Variants in DHX8 observed in about 807,000 individuals in gnomAD.
DHX8 encodes DEAH-box helicase 8.
Under a neutral mutation model 140.7 loss-of-function variants are expected in DHX8, and 67 were observed. The ratio of observed to expected loss-of-function variants is 0.48; its 90% confidence interval spans 0.39 to 0.58. The LOEUF (loss-of-function observed/expected upper bound fraction) is 0.58. Ranked by LOEUF, DHX8 falls within the 20% of genes least tolerant of loss-of-function variation. The pLI is 0.00. For missense variants in DHX8, 887 were observed against 1,550.7 expected, an observed-to-expected ratio of 0.57 and a Z score of 7.19; for synonymous variants, 533 against 553.2, an observed-to-expected ratio of 0.96 and a Z score of 0.51.
chr17:43,539,228 C>T (rs1436876031), intron 3 of DHX8, among the ~76,000 whole-genome samples: 1 of 152,184 alleles, frequency 6.6e-6, no homozygotes, highest in East Asian at 1.9e-4. Flanking sequence ...CTCTCCTTGC[C>T]TGTGAATCTG....
intron 2 of DHX8, among the ~76,000 whole-genome samples, chr17:43,534,735 T>C (rs1377891108): frequency 6.6e-6 from 1 of 151,776 alleles, no homozygotes; most frequent in East Asian, 1.9e-4. Flanking sequence ...AAGTCAGAAG[T>C]TCAAGACCAG....
chr17:43,496,869 C>T (rs1433302756), intron 9 of DHX8, among the ~76,000 whole-genome samples: 3 of 152,070 alleles, frequency 2.0e-5, no homozygotes, highest in East Asian at 1.9e-4. Context: ...TCTGAAAACC[C>T]TGGATCCACC....
In DHX8 at chr17:43,492,439, C is replaced by G. The variant is rs973230222; in HGVS notation, c.503+147C>G. 13 of 671,550 alleles carry G rather than the reference C, an allele frequency of 1.9e-5. No individual in the cohort carries two copies. In the South Asian group the frequency reaches 2.4e-4, roughly 12 times the overall value. 41.6% of individuals were successfully genotyped at this position (671,550 alleles called of 1,614,324 possible). On this transcript the variant is annotated intron_variant, in intron 5 of 22. Coordinates refer to ENST00000262415, the MANE Select transcript of DHX8 (RefSeq NM_004941.3). ...TTGGATCTGTTTTCATTGCTTCCTG[C>G]TAAGTGTATGTAGCAAATGCTAGGT...
intron 16 of DHX8, among the ~76,000 whole-genome samples, chr17:43,510,978 T>A (rs529254277): frequency 3.9e-5 from 6 of 152,358 alleles, no homozygotes; most frequent in African/African-American, 1.4e-4. Context: ...TTCTTTTTCT[T>A]GCTGAATACT....
chr17:43,529,161 A>G, downstream of DHX8: 1 of 1,613,884 alleles, frequency 6.2e-7, no homozygotes, highest in Non-Finnish European at 8.5e-7. Context: ...TTCTCATAAT[A>G]GTATCGGAGC....
chr17:43,500,941 A>T (rs1969157917), intron 11 of DHX8, among the ~76,000 whole-genome samples: 1 of 152,114 alleles, frequency 6.6e-6, no homozygotes, highest in Non-Finnish European at 1.5e-5. Flanking sequence ...AAGGTAATAC[A>T]GCTTTGAAGC....
downstream of DHX8, chr17:43,529,524 T>C (rs201929762): frequency 4.3e-6 from 7 of 1,613,030 alleles, no homozygotes; most frequent in Non-Finnish European, 5.9e-6. Flanking sequence ...TCAATGAGCT[T>C]GAACTCCATT....
rs766350228 is a variant in DHX8, at chr17:43,522,110, T to C, written c.3327T>C (p.Ser1109=). 10 of 1,613,996 alleles carry C rather than the reference T, an allele frequency of 6.2e-6. No individual in the cohort carries two copies. The highest frequency in any genetic ancestry group is 2.2e-5 in the East Asian group (1 of 44,888). ...STVRVQKAIC[S]GFFRNAAKKD... is the part of the protein sequence containing the mutation. ...TCCGAGTGCAGAAGGCCATCTGCAG[T>C]GGGTTCTTCCGTAATGCTGCCAAGA... The change falls in exon 22 of 23, where the codon AGT becomes AGC. Residue 1109 remains serine (S), a synonymous_variant. Coordinates refer to ENST00000262415, the MANE Select transcript of DHX8 (RefSeq NM_004941.3).
intron 1 of DHX8, among the ~76,000 whole-genome samples, chr17:43,488,319 C>T (rs1197419006): frequency 6.7e-6 from 1 of 149,224 alleles, no homozygotes; most frequent in Admixed American, 6.7e-5. Context: ...GTTTCAAGAA[C>T]TAGGCAGGTG....
chr17:43,490,319 T>G (rs981044079), intron 2 of DHX8, 72 bp from the exon 3 acceptor site: 1 of 1,173,662 alleles, frequency 8.5e-7, no homozygotes, highest in African/African-American at 1.5e-5. Context: ...TACAGGACAT[T>G]CTTTGCCTTT....
intron 8 of DHX8, among the ~76,000 whole-genome samples, chr17:43,494,196 C>G (rs1436925788): frequency 6.6e-6 from 1 of 152,148 alleles, no homozygotes; most frequent in Non-Finnish European, 1.5e-5. Flanking sequence ...TCTCATGAGA[C>G]TTACTCACTA....
chr17:43,490,599 C>G, intron 3 of DHX8, 136 bp downstream of exon 3: 1 of 717,914 alleles, frequency 1.4e-6, no homozygotes, highest in African/African-American at 1.8e-5. Flanking sequence ...TGGGCTGGGC[C>G]TAGCGGCTCA....
chr17:43,526,927 G>T, downstream of DHX8: 1 of 251,518 alleles, frequency 4.0e-6, no homozygotes, highest in South Asian at 5.0e-5. Flanking sequence ...GATGGTCTCA[G>T]GTTGGTGCTG....
At chr17:43,521,135 G>A (rs528030698) in intron 20 of DHX8, among the ~76,000 whole-genome samples, 1 of 152,036 alleles carries the variant, frequency 6.6e-6, no homozygotes, top group Admixed American at 6.6e-5. Context: ...GCTAATTTTT[G>A]TATTTTTAGT....
At chr17:43,489,840 T>C (rs555646837) in intron 2 of DHX8, among the ~76,000 whole-genome samples, 106 of 152,332 alleles carry the variant, frequency 7.0e-4, no homozygotes, top group African/African-American at 2.4e-3. Context: ...TCCACCCGCC[T>C]CGGCCTTCCA....
intron 4 of DHX8, 132 bp downstream of exon 4, chr17:43,491,382 C>T: frequency 2.2e-6 from 1 of 462,110 alleles, no homozygotes; most frequent in Admixed American, 3.9e-5. Flanking sequence ...AGTGTTTGAT[C>T]ACTCCCTGAG....
intron 1 of DHX8, among the ~76,000 whole-genome samples, chr17:43,485,012 T>C (rs538845419): frequency 3.3e-5 from 5 of 152,248 alleles, no homozygotes; most frequent in South Asian, 4.1e-4. Flanking sequence ...ACTGAGGAAT[T>C]AGAAAAGGCT....
At chr17:43,535,572 C>T (rs1008575170) in intron 2 of DHX8, among the ~76,000 whole-genome samples, 2 of 152,308 alleles carry the variant, frequency 1.3e-5, no homozygotes, top group South Asian at 2.1e-4. Context: ...CCACCACACC[C>T]AGCCTAAAGC....
chr17:43,534,101 C>T (rs1404589852), intron 2 of DHX8: 5 of 1,142,580 alleles, frequency 4.4e-6, no homozygotes, highest in African/African-American at 1.6e-5. Context: ...AGCCTCCTTC[C>T]CTCTCTGGGT....
Sources: allele counts gnomAD v4.1 joint callset (sites outside exome capture counted in the v4.1 genomes callset), GRCh38; gene constraint gnomAD v4.1.1; transcripts MANE v1.5; gene names NCBI Gene and HGNC (gene_info 2026-07-23, HGNC 2026-07-21).